The following DNAH10 variants were observed in gnomAD, a reference collection of about 807,000 sequenced individuals.
DNAH10 encodes the protein dynein axonemal heavy chain 10, also known as axonemal beta dynein heavy chain 10.
A neutral mutation model predicts 506.6 loss-of-function variants in DNAH10; 348 were observed. The ratio of observed to expected loss-of-function variants is 0.69; its 90% CI spans 0.63 to 0.75. The LOEUF is 0.75. Ranked by LOEUF, DNAH10 falls within the 30% of genes least tolerant of loss-of-function variation. The pLI is 0.00. For missense variants in DNAH10, 5,179 were observed against 5,787.1 expected, an observed-to-expected ratio of 0.89 and a Z score of 3.41; for synonymous variants, 2,059 against 2,198.6, an observed-to-expected ratio of 0.94 and a Z score of 1.78.
chr12:123,845,072 A>C (rs1014581011), intron 30 of DNAH10, among the ~76,000 whole-genome samples: 1 of 152,198 alleles, frequency 6.6e-6, no homozygotes, highest in Admixed American at 6.5e-5. Context: ...AGTACAGTGC[A>C]CAATTGTAGT....
chr12:123,766,145 C>T (rs1288645133), intron 1 of DNAH10, among the ~76,000 whole-genome samples: 1 of 152,048 alleles, frequency 6.6e-6, no homozygotes, highest in Non-Finnish European at 1.5e-5. Flanking sequence ...TCCTGTCTAC[C>T]TACCTACCTA....
chr12:123,916,434 C>T lies in DNAH10; in HGVS notation c.10723-23C>T. ...GCCACAGTTAAACGTGGGCTTTCAG[C>T]ATCTGCCTCCCTTCTCTTCCAGGTC... On this transcript the variant is annotated intron_variant, in intron 62 of 78. Coordinates refer to ENST00000673944, the MANE Select transcript of DNAH10 (RefSeq NM_001372106.1). This position sits in a 1 kb window ranked among gnomAD's most constrained non-coding sequence, Gnocchi z 4.6. 2 of 1,588,268 alleles carry T rather than the reference C, an allele frequency of 1.3e-6. No individual in the cohort carries two copies. Among genetic ancestry groups the T allele is most frequent in the Non-Finnish European group, 1.7e-6 (2 of 1,167,378 alleles).
At chr12:123,874,454 T>C (rs1566028078) in intron 46 of DNAH10, among the ~76,000 whole-genome samples, 1 of 152,128 alleles carries the variant, frequency 6.6e-6, no homozygotes, top group East Asian at 1.9e-4. Flanking sequence ...TGTTCATCTA[T>C]CCATCTATTC....
chr12:123,764,724 CT>C (rs907737519), intron 1 of DNAH10, among the ~76,000 whole-genome samples: 1 of 152,206 alleles, frequency 6.6e-6, no homozygotes, highest in Admixed American at 6.5e-5. Flanking sequence ...ACCCCGCCCC[CT>C]GACCCGTTTC....
chr12:123,894,156 T>C (rs1953116475), intron 53 of DNAH10, among the ~76,000 whole-genome samples: 1 of 137,624 alleles, frequency 7.3e-6, no homozygotes, highest in Non-Finnish European at 1.5e-5. Flanking sequence ...AGTGGCACCA[T>C]CATAGGTCAC....
chr12:123,859,861 C>T (rs996073545), intron 38 of DNAH10, among the ~76,000 whole-genome samples: 3 of 151,660 alleles, frequency 2.0e-5, no homozygotes, highest in Admixed American at 6.6e-5. Flanking sequence ...AATGAGACTC[C>T]GTCTCCACAT....
chr12:123,787,812 G>A lies in DNAH10; in HGVS notation c.1430G>A (p.Arg477Gln), dbSNP rs765224002. The stretch of plus-strand genomic sequence containing the variant: ...ATCTCTTGGCTTCGCAGAGAAAATC[G>A]AGCGAGTGCCCAAAGCAAAACCTTG... ...VNLRTLFKEN[R>Q]ASAQSKTLEA... is the part of the protein sequence containing the mutation. Residue 477 changes from arginine to glutamine, a missense_variant, in exon 10 of 79, where the codon CGA becomes CAA. Coordinates refer to ENST00000673944, the MANE Select transcript of DNAH10 (RefSeq NM_001372106.1). The surrounding 1 kb of genome is among the most constrained non-coding windows in gnomAD (Gnocchi z 4.6). 6.2e-7 allele frequency: 1 copy of A among 1,613,700 alleles called. No homozygotes were observed. Among genetic ancestry groups the A allele is most frequent in the Non-Finnish European group, 8.5e-7 (1 of 1,179,902 alleles).
At chr12:123,875,604 T>A in intron 47 of DNAH10, 113 bp downstream of exon 47, 2 of 1,254,032 alleles carry the variant, frequency 1.6e-6, no homozygotes, top group Non-Finnish European at 2.2e-6. Context: ...TCAATACTTT[T>A]AAGGGCCTAT....
intron 57 of DNAH10, among the ~76,000 whole-genome samples, chr12:123,906,660 A>T (rs1344179400): frequency 1.3e-5 from 2 of 152,046 alleles, no homozygotes; most frequent in Non-Finnish European, 2.9e-5. Flanking sequence ...TTTATATTTA[A>T]ATCTTTTATC....
Position 123,918,732 on chromosome 12 carries a change from G to C in DNAH10, c.11289G>C (p.Arg3763=). Residue 3763 remains arginine (R), a synonymous_variant, in exon 65 of 79, where the codon CGG becomes CGC. Transcript: ENST00000673944. Reference sequence around the variant, plus strand: ...CAGCCTTGGACATCGACAGGCTGCGGGATGGCTACCGGCCAGCAGCCAGGA... The same window carrying C: ...CAGCCTTGGACATCGACAGGCTGCGCGATGGCTACCGGCCAGCAGCCAGGA... ...EKTALDIDRL[R]DGYRPAARRG... is the part of the protein sequence containing the mutation. 6.3e-7 allele frequency: 1 copy of C among 1,599,450 alleles called. No homozygotes were observed. Among genetic ancestry groups the C allele is most frequent in the Non-Finnish European group, 8.6e-7 (1 of 1,169,160 alleles).
At position 123,820,665 on chromosome 12, in the gene DNAH10, C is replaced by T. The variant is rs755664935; in HGVS notation, c.4086C>T (p.Phe1362=). ...RQELANAEKL[F]DLPITMYPEL... ...AACTGGCTAACGCTGAGAAACTTTT[C>T]GATCTTCCTATTACAATGTACCCAG... is the stretch of plus-strand genomic sequence containing the variant. The change falls in exon 24 of 79, where the codon TTC becomes TTT. Residue 1362 remains phenylalanine, a synonymous_variant. Coordinates refer to ENST00000673944, the MANE Select transcript of DNAH10 (RefSeq NM_001372106.1). 142 of 1,613,816 alleles carry T rather than the reference C, an allele frequency of 8.8e-5. No homozygotes were observed. Among genetic ancestry groups the T allele is most frequent in the Non-Finnish European group, 1.2e-4 (138 of 1,179,904 alleles).
At chr12:123,824,464 C>T (rs1219836820) in intron 24 of DNAH10, among the ~76,000 whole-genome samples, 2 of 152,072 alleles carry the variant, frequency 1.3e-5, no homozygotes, top group Non-Finnish European at 2.9e-5. Flanking sequence ...TACTGAGCCA[C>T]CAGTTCAGAT....
In DNAH10 at chr12:123,799,269, A is replaced by G. The variant is rs2136269632; in HGVS notation, c.2187A>G (p.Val729=). 6.2e-7 allele frequency: 1 copy of G among 1,613,246 alleles called. No individual in the cohort carries two copies. Among genetic ancestry groups the G allele is most frequent in the Non-Finnish European group, 8.5e-7 (1 of 1,179,366 alleles). ...AGGTCAAACAAAAATATTTGGAAGT[A>G]GGTAGGACAATGAAGGAGTATGAAG... ...GQEVKQKYLE[V]GRTMKEYEDR... Residue 729 remains valine (V), a synonymous_variant, in exon 14 of 79, where the codon GTA becomes GTG. Transcript: ENST00000673944.
At position 123,902,985 on chromosome 12, in the gene DNAH10, G is replaced by T. The variant is rs746527065; in HGVS notation, c.9687G>T (p.Glu3229Asp). 6.3e-7 allele frequency: 1 copy of T among 1,595,726 alleles called. No homozygotes were observed. The highest frequency in any genetic ancestry group is 2.3e-5 in the East Asian group (1 of 43,842). ...CAGAGGAAAAGGCCATGGAGATAGA[G>T]GAGCAGAACAAAGTCATTGCCATGG... ...KLAEEKAMEI[E>D]EQNKVIAMEK... Residue 3229 changes from glutamate (E) to aspartate (D), a missense_variant, in exon 57 of 79, where the codon GAG (glutamate) becomes GAT (aspartate). Physicochemically the swap from Glu to Asp is conservative, Grantham distance 45. Around this residue, in one of 3 missense-constraint regions of DNAH10, gnomAD observed 4,844 missense variants for 5,430.5 expected, o/e 0.89. Coordinates refer to ENST00000673944, the MANE Select transcript of DNAH10 (RefSeq NM_001372106.1). This position sits in a 1 kb window ranked among gnomAD's most constrained non-coding sequence, Gnocchi z 4.5.
chr12:123,775,298 A>C, intron 5 of DNAH10, among the ~76,000 whole-genome samples: 1 of 152,082 alleles, frequency 6.6e-6, no homozygotes, highest in Non-Finnish European at 1.5e-5. Context: ...TTGTAGAGAC[A>C]GGGTCTCACC....
At chr12:123,770,600 T>A (rs1349501336) in intron 2 of DNAH10, among the ~76,000 whole-genome samples, 1 of 151,824 alleles carries the variant, frequency 6.6e-6, no homozygotes, top group Admixed American at 6.6e-5. Flanking sequence ...CCCTTACCCG[T>A]GCTGTCATTT....
Position 123,765,564 on chromosome 12 carries a change from T to TTATCTATCTATCTATCTATC in DNAH10, c.215-2026_215-2007dup, listed in dbSNP as rs142140309. Among the ~76,000 whole-genome samples the TTATCTATCTATCTATCTATC allele has an allele frequency of 5.8e-3, 867 of 149,406 alleles. 10 individuals carry two copies. The highest frequency in any genetic ancestry group is 0.024 in the East Asian group (122 of 5,008). ...ACCTTCCTATGCATCTATCTATACT[T>TTATCTATCTATCTATCTATC]TATCTATCTATCTATCTATCTATCT... On this transcript the variant is annotated intron_variant, in intron 1 of 78. Coordinates refer to ENST00000673944, the MANE Select transcript of DNAH10 (RefSeq NM_001372106.1).
At chr12:123,930,912 T>C (rs1273340861) in intron 73 of DNAH10, among the ~76,000 whole-genome samples, 1 of 152,124 alleles carries the variant, frequency 6.6e-6, no homozygotes, top group African/African-American at 2.4e-5. Flanking sequence ...TGGCTGGTCA[T>C]GGTGGCTCGC....
intron 18 of DNAH10, among the ~76,000 whole-genome samples, chr12:123,807,754 G>A (rs1212103340): frequency 6.8e-6 from 1 of 148,064 alleles, no homozygotes; most frequent in Non-Finnish European, 1.5e-5. Context: ...GAGGGAGAGA[G>A]AAACAGGGAG....
Sources: allele counts gnomAD v4.1 joint callset (sites outside exome capture counted in the v4.1 genomes callset), GRCh38; gene constraint gnomAD v4.1.1; regional missense constraint gnomAD v4.1.1; non-coding constraint Gnocchi (gnomAD v3.1); transcripts MANE v1.5; gene names NCBI Gene and HGNC (gene_info 2026-07-23, HGNC 2026-07-21).